Variants in PSAPL1 observed in about 807,000 individuals in gnomAD.
PSAPL1 encodes the protein prosaposin like 1, also known as proactivator polypeptide-like 1.
For synonymous variants in PSAPL1, 351 were observed against 291.6 expected (o/e 1.20, Z -2.08); for missense variants, 814 against 688.8 (o/e 1.18, Z -2.03).
chr4:7,433,569 C>G lies in PSAPL1; in HGVS notation c.1311G>C (p.Gln437His). 1 of 1,611,844 alleles carries G rather than the reference C, an allele frequency of 6.2e-7. No individual in the cohort carries two copies. The highest frequency in any genetic ancestry group is 1.7e-5 in the Admixed American group (1 of 59,794). Residue 437 changes from glutamine to histidine, a missense_variant, in exon 1 of 1, where the codon CAG (glutamine) becomes CAC (histidine). Gln to His is a conservative substitution (Grantham distance 24, BLOSUM62 0). Transcript: ENST00000319098. ...CGTACTGGGTGACGAAGTGCTTGCA[C>G]TGGATCATATAGGGCAGCGGCAGGA... ...CSILPLPYMI[Q>H]CKHFVTQYEP...
At position 7,433,635 on chromosome 4, in the gene PSAPL1, G is replaced by T. The variant is rs201852983; in HGVS notation, c.1245C>A (p.Thr415=). ...VSSHNLESKS[T]KRDILVAFKG... ...TGAAGGCCACCAGGATGTCTCGCTT[G>T]GTGCTCTTGCTCTCCAAGTTGTGGG... Residue 415 remains threonine (T), a synonymous_variant, in exon 1 of 1, where the codon ACC becomes ACA. Coordinates refer to ENST00000319098, the MANE Select transcript of PSAPL1 (RefSeq NM_001085382.2). 151 of 1,610,588 alleles carry T rather than the reference G, an allele frequency of 9.4e-5. No homozygotes were observed. The highest frequency in any genetic ancestry group is 1.2e-4 in the Non-Finnish European group (137 of 1,178,206).
Position 7,433,027 on chromosome 4 carries a change from C to T in PSAPL1, c.*287G>A, listed in dbSNP as rs540507153. 4 of 274,714 alleles carry T rather than the reference C, an allele frequency of 1.5e-5. No homozygotes were observed. The highest frequency in any genetic ancestry group is 1.7e-4 in the South Asian group (1 of 5,942). 17.0% of individuals were successfully genotyped at this position (274,714 alleles called of 1,614,324 possible). On this transcript the variant is annotated 3_prime_UTR_variant, in exon 1 of 1. Coordinates refer to ENST00000319098, the MANE Select transcript of PSAPL1 (RefSeq NM_001085382.2). ...CATGGGCAGGCTCTCATGGGACCAC[C>T]GGCAACATCTCAGCCTTGGAGATGA...
Position 7,434,917 on chromosome 4 carries a change from G to T in PSAPL1, c.-38C>A, listed in dbSNP as rs1344116698. 3.3e-6 allele frequency: 5 copies of T among 1,493,844 alleles called. No homozygotes were observed. Among genetic ancestry groups the T allele is most frequent in the Non-Finnish European group, 4.5e-6 (5 of 1,122,198 alleles). 92.5% of individuals were successfully genotyped at this position (1,493,844 alleles called of 1,614,324 possible). On this transcript the variant is annotated 5_prime_UTR_variant, in exon 1 of 1. It adds an upstream start codon to the 5' untranslated region. Coordinates refer to ENST00000319098, the MANE Select transcript of PSAPL1 (RefSeq NM_001085382.2). ...CTCTCTGGCTCCAGAGTACCCAGCA[G>T]TGGCTGCTGCTATAAACCTGGCTCT...
rs778241263 is a variant in PSAPL1, at chr4:7,433,509, C to T, written c.1371G>A (p.Met457Ile). The T allele has an allele frequency of 3.1e-6, 5 of 1,605,116 alleles. No individual in the cohort carries two copies. In the Admixed American group the frequency reaches 6.8e-5, roughly 22 times the overall value. The change falls in exon 1 of 1, where the codon ATG becomes ATA. Residue 457 changes from methionine to isoleucine, a missense_variant. Met to Ile is a conservative substitution (Grantham distance 10). Transcript: ENST00000319098. The stretch of plus-strand genomic sequence containing the variant: ...CCTTCTTGCACACAGCCACGGGGTC[C>T]ATCATGTCCTTGAGACTCTCAATGA... ...PVLIESLKDM[M>I]DPVAVCKKVG...
rs989546862 is a variant in PSAPL1, at chr4:7,431,130, C to T, written c.*2184G>A. On this transcript the variant is annotated 3_prime_UTR_variant, in exon 1 of 1. Coordinates refer to ENST00000319098, the MANE Select transcript of PSAPL1 (RefSeq NM_001085382.2). The stretch of plus-strand genomic sequence containing the variant: ...TATGGGGGTGGGGCAGGGCCGTGCT[C>T]ATGACCTGGGTGTGCAGCTGGGCCT... 5 of 152,450 alleles carry T rather than the reference C, an allele frequency of 3.3e-5. No individual in the cohort carries two copies. Among genetic ancestry groups the T allele is most frequent in the Non-Finnish European group, 7.3e-5 (5 of 68,252 alleles). The allele number at this position is 152,450 out of a possible 1,614,324, so 9.4% of individuals were successfully genotyped here.
chr4:7,434,064 G>C lies in PSAPL1; in HGVS notation c.816C>G (p.Val272=). The change falls in exon 1 of 1, where the codon GTC becomes GTG. Residue 272 remains valine, a synonymous_variant. Coordinates refer to ENST00000319098, the MANE Select transcript of PSAPL1 (RefSeq NM_001085382.2). ...RLTQVVAMDG[V]PSLELGLPRK... ...TTGGCAACCCCAGCTCCAGGGAGGG[G>C]ACCCCGTCCATGGCCACTACTTGAG... 1 of 1,611,264 alleles carries C rather than the reference G, an allele frequency of 6.2e-7. No individual in the cohort carries two copies. The highest frequency in any genetic ancestry group is 8.5e-7 in the Non-Finnish European group (1 of 1,177,988).
Position 7,434,270 on chromosome 4 carries a change from A to C in PSAPL1, c.610T>G (p.Leu204Val), listed in dbSNP as rs1459053443. ...LQEAVRSNLT[L>V]ADLNIQEQCE... is the part of the protein sequence containing the mutation. ...TGCTCCTGGATGTTCAAGTCGGCCAAGGTCAAGTTGGACCGGACAGCCTCC... is the reference window on the plus strand; with the variant it reads ...TGCTCCTGGATGTTCAAGTCGGCCACGGTCAAGTTGGACCGGACAGCCTCC... The change falls in exon 1 of 1, where the codon TTG becomes GTG. Residue 204 changes from leucine to valine, a missense_variant. Coordinates refer to ENST00000319098, the MANE Select transcript of PSAPL1 (RefSeq NM_001085382.2). 8.1e-6 allele frequency: 13 copies of C among 1,613,298 alleles called. No individual in the cohort carries two copies. In the South Asian group the frequency reaches 1.4e-4, roughly 18 times the overall value.
chr4:7,433,195 C>A lies in PSAPL1; in HGVS notation c.*119G>T, dbSNP rs561774379. ...AGGAATACTTGGTTTTGAACTTCAG[C>A]TCTGCTCCTTCCCAGCCTCCCTCCT... On this transcript the variant is annotated 3_prime_UTR_variant, in exon 1 of 1. Coordinates refer to ENST00000319098, the MANE Select transcript of PSAPL1 (RefSeq NM_001085382.2). The A allele has an allele frequency of 5.4e-6, 6 of 1,105,768 alleles. No homozygotes were observed. Among genetic ancestry groups the A allele is most frequent in the Non-Finnish European group, 7.1e-6 (6 of 844,508 alleles). 68.5% of individuals were successfully genotyped at this position (1,105,768 alleles called of 1,614,324 possible).
chr4:7,434,087 G>C lies in PSAPL1; in HGVS notation c.793C>G (p.Gln265Glu), dbSNP rs376028916. The change falls in exon 1 of 1, where the codon CAA becomes GAA. Residue 265 changes from glutamine to glutamate, a missense_variant. By Grantham distance (29) the Gln-to-Glu change is conservative. Transcript: ENST00000319098. ...GGGACCCCGTCCATGGCCACTACTT[G>C]AGTCAAACGGGCAGGTGCCCCTAGC... ...EELGAPARLT[Q>E]VVAMDGVPSL... 6.8e-6 allele frequency: 11 copies of C among 1,611,704 alleles called. No individual in the cohort carries two copies. Among genetic ancestry groups the C allele is most frequent in the East Asian group, 2.2e-5 (1 of 44,848 alleles).
In PSAPL1 at chr4:7,430,311, A is replaced by T. The variant is rs1404713363; in HGVS notation, c.*3003T>A. 6.6e-6 allele frequency: 1 copy of T among 152,174 alleles called. No individual in the cohort carries two copies. The highest frequency in any genetic ancestry group is 2.4e-5 in the African/African-American group (1 of 41,450). 9.4% of individuals were successfully genotyped at this position (152,174 alleles called of 1,614,324 possible). ...AGAGAACATCGTTGGGTATATTTGT[A>T]TCTGGTTTGAAGTTTCTAACAACAC... is the stretch of plus-strand genomic sequence containing the variant. On this transcript the variant is annotated 3_prime_UTR_variant, in exon 1 of 1. Coordinates refer to ENST00000319098, the MANE Select transcript of PSAPL1 (RefSeq NM_001085382.2).
At position 7,431,562 on chromosome 4, in the gene PSAPL1, G is replaced by A. The variant is rs1230543081; in HGVS notation, c.*1752C>T. ...GAGCCTCTGGGGCTGCTCCTGGAGA[G>A]GGTGGGTGGTCTCAGGGGAAGAGGC... On this transcript the variant is annotated 3_prime_UTR_variant, in exon 1 of 1. Transcript: ENST00000319098. The A allele has an allele frequency of 6.6e-6, 1 of 152,376 alleles. No individual in the cohort carries two copies. Among genetic ancestry groups the A allele is most frequent in the East Asian group, 1.9e-4 (1 of 5,200 alleles). The allele number at this position is 152,376 out of a possible 1,614,324, so 9.4% of individuals were successfully genotyped here. A position where few individuals can be genotyped will look rare whatever the true frequency, so the allele number is the denominator to read the frequency against.
the PSAPL1 span, chr4:7,434,738 A>AC: frequency 6.2e-7 from 1 of 1,613,032 alleles, no homozygotes; most frequent in Non-Finnish European, 8.5e-7. Context: ...CCTTGGCAGT[A>AC]CCCCACAGCC....
Position 7,433,783 on chromosome 4 carries a change from C to T in PSAPL1, c.1097G>A (p.Cys366Tyr). 1 of 1,613,578 alleles carries T rather than the reference C, an allele frequency of 6.2e-7. No individual in the cohort carries two copies. Among genetic ancestry groups the T allele is most frequent in the Non-Finnish European group, 8.5e-7 (1 of 1,179,798 alleles). The part of the protein sequence containing the change: ...PEKVCKFIRL[C>Y]GNRRRARAVH... ...TGCCCGGGCCCGCCTCCGGTTGCCA[C>T]ACAGACGGATGAACTTGCACACCTT... The change falls in exon 1 of 1, where the codon TGT becomes TAT. Residue 366 changes from cysteine to tyrosine, a missense_variant. Transcript: ENST00000319098.
Position 7,434,673 on chromosome 4 carries a change from G to C in PSAPL1, c.207C>G (p.Asp69Glu), listed in dbSNP as rs759391749. ...AKSLPCDVCQDIAAAAGNGLN... is the reference protein window; with the variant it reads ...AKSLPCDVCQEIAAAAGNGLN... Reference sequence around the variant, plus strand: ...GCCCATTGCCAGCGGCGGCTGCTATGTCCTGGCATACGTCGCAGGGCAGAG... The same window carrying C: ...GCCCATTGCCAGCGGCGGCTGCTATCTCCTGGCATACGTCGCAGGGCAGAG... The change falls in exon 1 of 1, where the codon GAC becomes GAG. Residue 69 changes from aspartate (D) to glutamate (E), a missense_variant. Transcript: ENST00000319098. 6.8e-6 allele frequency: 11 copies of C among 1,612,862 alleles called. No individual in the cohort carries two copies. Among genetic ancestry groups the C allele is most frequent in the Non-Finnish European group, 8.5e-6 (10 of 1,179,560 alleles).
Position 7,433,078 on chromosome 4 carries a change from A to C in PSAPL1, c.*236T>G. On this transcript the variant is annotated 3_prime_UTR_variant, in exon 1 of 1. Transcript: ENST00000319098. ...GAGGGCAGCCTTGGCTGGGTCAGGG[A>C]GCGGGGCACATGAGTGTGTTCCGGT... 5.4e-6 allele frequency: 2 copies of C among 368,552 alleles called. No individual in the cohort carries two copies. The highest frequency in any genetic ancestry group is 9.5e-6 in the Non-Finnish European group (2 of 210,552). 22.8% of individuals were successfully genotyped at this position (368,552 alleles called of 1,614,324 possible).
rs1488253479 is a variant in PSAPL1, at chr4:7,433,921, G to A, written c.959C>T (p.Ala320Val). The A allele has an allele frequency of 4.3e-6, 7 of 1,613,808 alleles. No individual in the cohort carries two copies. Among genetic ancestry groups the A allele is most frequent in the Admixed American group, 1.7e-5 (1 of 60,036 alleles). ...CATTACCGAGCACACGCGCTCCAGG[G>A]CATGGGTGATCATGAGCTCAGAGCT... Reference protein sequence around the residue: ...SNSSELMITHALERVCSVMPA... With the variant: ...SNSSELMITHVLERVCSVMPA... The change falls in exon 1 of 1, where the codon GCC (alanine) becomes GTC (valine). Residue 320 changes from alanine to valine, a missense_variant. Physicochemically the swap from Ala to Val is moderately conservative, Grantham distance 64. Transcript: ENST00000319098.
Position 7,433,355 on chromosome 4 carries a change from C to A in PSAPL1, c.1525G>T (p.Val509Leu). Residue 509 changes from valine (V) to leucine (L), a missense_variant, in exon 1 of 1, where the codon GTA (valine) becomes TTA (leucine). Coordinates refer to ENST00000319098, the MANE Select transcript of PSAPL1 (RefSeq NM_001085382.2). Reference sequence around the variant, plus strand: ...GCGTGGAGGTGCATCTCTTTCCATACATGCTTCTGGCAGTGTTGCACAGCG... The same window carrying A: ...GCGTGGAGGTGCATCTCTTTCCATAAATGCTTCTGGCAGTGTTGCACAGCG... ...CNAVQHCQKHVWKEMHLHAGE... is the reference protein window; with the variant it reads ...CNAVQHCQKHLWKEMHLHAGE... The A allele has an allele frequency of 1.4e-6, 2 of 1,439,016 alleles. No homozygotes were observed. Among genetic ancestry groups the A allele is most frequent in the Non-Finnish European group, 1.8e-6 (2 of 1,093,184 alleles). The allele number at this position is 1,439,016 out of a possible 1,614,324, so 89.1% of individuals were successfully genotyped here. A position where few individuals can be genotyped will look rare whatever the true frequency, so the allele number is the denominator to read the frequency against.
Position 7,433,683 on chromosome 4 carries a change from G to A in PSAPL1, c.1197C>T (p.Cys399=). Residue 399 remains cysteine (C), a synonymous_variant, in exon 1 of 1, where the codon TGC becomes TGT. Coordinates refer to ENST00000319098, the MANE Select transcript of PSAPL1 (RefSeq NM_001085382.2). The part of the protein sequence containing the change: ...AENQGSFCNG[C]KRLLTVSSHN... Reference sequence around the variant, plus strand: ...GGGAGGACACCGTGAGCAGCCTCTTGCACCCATTGCAGAAGCTGCCCTGGT... The same window carrying A: ...GGGAGGACACCGTGAGCAGCCTCTTACACCCATTGCAGAAGCTGCCCTGGT... 6.2e-7 allele frequency: 1 copy of A among 1,612,338 alleles called. No homozygotes were observed. Among genetic ancestry groups the A allele is most frequent in the African/African-American group, 1.3e-5 (1 of 75,052 alleles).
Position 7,433,676 on chromosome 4 carries a change from G to A in PSAPL1, c.1204C>T (p.Leu402=). ...QGSFCNGCKR[L]LTVSSHNLES... is the part of the protein sequence containing the mutation. ...AAGTTGTGGGAGGACACCGTGAGCA[G>A]CCTCTTGCACCCATTGCAGAAGCTG... Residue 402 remains leucine (L), a synonymous_variant, in exon 1 of 1, where the codon CTG becomes TTG. Coordinates refer to ENST00000319098, the MANE Select transcript of PSAPL1 (RefSeq NM_001085382.2). The A allele has an allele frequency of 6.2e-7, 1 of 1,610,298 alleles. No homozygotes were observed. Among genetic ancestry groups the A allele is most frequent in the Non-Finnish European group, 8.5e-7 (1 of 1,177,604 alleles).
Sources: gnomAD v4.1 joint callset for allele counts on GRCh38, gnomAD v4.1.1 for gene constraint, MANE v1.5 for transcripts, NCBI Gene and HGNC (gene_info 2026-07-23, HGNC 2026-07-21) for gene names.